The following KIRREL3 variants were observed in gnomAD, a reference collection of about 807,000 sequenced individuals.
KIRREL3 encodes kirre like nephrin family adhesion molecule 3.
KIRREL3 carries 36 observed loss-of-function variants against 89.7 expected under a neutral mutation model. The observed-to-expected ratio is 0.40, with a 90% CI of 0.31 to 0.53. The LOEUF is 0.53. Among genes scored for constraint, KIRREL3 ranks in the 20% least tolerant of loss-of-function variants. The pLI, the probability that KIRREL3 is intolerant of heterozygous loss-of-function variation, is 0.49. For synonymous variants in KIRREL3, 445 were observed against 441.4 expected, an observed-to-expected ratio of 1.01 and a Z score of -0.10; for missense variants, 864 against 1,056.6, an observed-to-expected ratio of 0.82 and a Z score of 2.53.
At chr11:126,625,353 C>G (rs1040390867) in intron 1 of KIRREL3, among the ~76,000 whole-genome samples, 2 of 152,132 alleles carry the variant, frequency 1.3e-5, no homozygotes, top group Non-Finnish European at 2.9e-5. Flanking sequence ...CTGAAACAAG[C>G]GACATTTTCT....
intron 1 of KIRREL3, among the ~76,000 whole-genome samples, chr11:126,738,933 G>A (rs73573440): frequency 0.16 from 23,694 of 152,220 alleles, 1,934 homozygotes; most frequent in Non-Finnish European, 0.17. Flanking sequence ...AAGCATCTTC[G>A]GTGATCAAAC....
At chr11:126,481,433 C>G (rs944576768) in intron 4 of KIRREL3, among the ~76,000 whole-genome samples, 2 of 152,236 alleles carry the variant, frequency 1.3e-5, no homozygotes, top group African/African-American at 4.8e-5. Flanking sequence ...GGCCAGACCT[C>G]TCTCTTGAGC....
At chr11:126,939,189 T>C (rs1948332812) in intron 1 of KIRREL3, among the ~76,000 whole-genome samples, 1 of 152,122 alleles carries the variant, frequency 6.6e-6, no homozygotes, top group Non-Finnish European at 1.5e-5. Context: ...TTCAGAGAAA[T>C]TTGTAGATGT....
chr11:126,918,987 T>C lies in KIRREL3; in HGVS notation c.55+81468A>G, dbSNP rs184488541. On this transcript the variant is annotated intron_variant, in intron 1 of 16. Coordinates refer to ENST00000525144, the MANE Select transcript of KIRREL3 (RefSeq NM_032531.4). This position sits in a 1 kb window ranked among gnomAD's most constrained non-coding sequence, Gnocchi z 6.5. ...ATATGTATTGTTACATCATATTATATTATTATTTGTATTATATATATGTAT... is the reference window on the plus strand; with the variant it reads ...ATATGTATTGTTACATCATATTATACTATTATTTGTATTATATATATGTAT... 8.0e-4 allele frequency among the ~76,000 whole-genome samples: 119 copies of C among 149,548 alleles called. No homozygotes were observed. The highest frequency in any genetic ancestry group is 2.7e-3 in the African/African-American group (111 of 41,066).
chr11:126,927,587 T>C (rs189552631), intron 1 of KIRREL3, among the ~76,000 whole-genome samples: 4 of 152,348 alleles, frequency 2.6e-5, no homozygotes, highest in Admixed American at 2.6e-4. Context: ...ATGCGGACAT[T>C]ATGGAAAACT....
intron 1 of KIRREL3, among the ~76,000 whole-genome samples, chr11:126,967,026 C>A (rs1949292959): frequency 6.6e-6 from 1 of 152,150 alleles, no homozygotes; most frequent in Non-Finnish European, 1.5e-5. Flanking sequence ...ATCCATCTAC[C>A]TGCCTTCTCT....
rs56276959 is a variant in KIRREL3 at position 126,472,703 on chromosome 11, GGA to G, written c.591+604_591+605del. Among the ~76,000 whole-genome samples, 202 of 134,116 alleles carry G rather than the reference GGA, an allele frequency of 1.5e-3. 1 individual carries two copies. The South Asian group carries it at 0.021, about 14-fold the overall frequency. 88.0% of individuals were successfully genotyped at this position (134,116 alleles called of 152,430 possible). A position where few individuals can be genotyped will look rare whatever the true frequency, so the allele number is the denominator to read the frequency against. ...CCCAGCAGTTACCCTAGGACATAGA[GGA>G]GAGAGAGAGAGAGAGAGAGAGAGAG... On this transcript the variant is annotated intron_variant, in intron 5 of 16. Transcript: ENST00000525144.
At chr11:126,638,017 CAG>C (rs1268790870) in intron 1 of KIRREL3, among the ~76,000 whole-genome samples, 1 of 152,210 alleles carries the variant, frequency 6.6e-6, no homozygotes, top group Admixed American at 6.5e-5. Flanking sequence ...TTTAGCTTTG[CAG>C]AGTTTGCTTT....
At position 126,569,043 on chromosome 11, in the gene KIRREL3, A is replaced by G. The variant is rs1473849529; in HGVS notation, c.56-6131T>C. ...ACCAGAGAGCTTGGGAATGGAGAGG[A>G]AATGATGAATCAGAGACATTCCAAG... On this transcript the variant is annotated intron_variant, in intron 1 of 16. Coordinates refer to ENST00000525144, the MANE Select transcript of KIRREL3 (RefSeq NM_032531.4). This position sits in a 1 kb window ranked among gnomAD's most constrained non-coding sequence, Gnocchi z 6.5. Among the ~76,000 whole-genome samples, 2 of 152,052 alleles carry G rather than the reference A, an allele frequency of 1.3e-5. No homozygotes were observed. The highest frequency in any genetic ancestry group is 4.8e-5 in the African/African-American group (2 of 41,374).
chr11:126,613,494 C>T (rs937118457), intron 1 of KIRREL3, among the ~76,000 whole-genome samples: 12 of 152,118 alleles, frequency 7.9e-5, no homozygotes, highest in African/African-American at 2.4e-4. Context: ...TGTGCAATTA[C>T]CTCCCCCTGC....
At position 126,772,853 on chromosome 11, in the gene KIRREL3, C is replaced by G. The variant is rs1273404654; in HGVS notation, c.56-209941G>C. 1.3e-5 allele frequency among the ~76,000 whole-genome samples: 2 copies of G among 152,190 alleles called. No homozygotes were observed. The highest frequency in any genetic ancestry group is 2.9e-5 in the Non-Finnish European group (2 of 68,034). On this transcript the variant is annotated intron_variant, in intron 1 of 16. Transcript: ENST00000525144. This position sits in a 1 kb window ranked among gnomAD's most constrained non-coding sequence, Gnocchi z 4.6. Reference sequence around the variant, plus strand: ...AATGCCAGCACCATACCTACTGCATCTGGATCTTCATAATTTGGCCAGAAA... The same window carrying G: ...AATGCCAGCACCATACCTACTGCATGTGGATCTTCATAATTTGGCCAGAAA...
intron 1 of KIRREL3, among the ~76,000 whole-genome samples, chr11:126,809,426 A>G (rs1226944596): frequency 1.3e-5 from 2 of 152,228 alleles, no homozygotes; most frequent in African/African-American, 2.4e-5. Flanking sequence ...GTGCCCCCCA[A>G]GGATATTAGA....
At position 126,666,710 on chromosome 11, in the gene KIRREL3, T is replaced by A. The variant is rs1945680867; in HGVS notation, c.56-103798A>T. 6.6e-6 allele frequency among the ~76,000 whole-genome samples: 1 copy of A among 152,176 alleles called. No homozygotes were observed. Among genetic ancestry groups the A allele is most frequent in the African/African-American group, 2.4e-5 (1 of 41,420 alleles). On this transcript the variant is annotated intron_variant, in intron 1 of 16. Transcript: ENST00000525144. The surrounding 1 kb of genome is among the most constrained non-coding windows in gnomAD (Gnocchi z 4.2). ...AACAGAGCTCTCTTTTTCTCTCTGGTGAGGTTTTTGCTTTTCCCATTTTTA... is the reference window on the plus strand; with the variant it reads ...AACAGAGCTCTCTTTTTCTCTCTGGAGAGGTTTTTGCTTTTCCCATTTTTA...
rs1687119093 is a variant in KIRREL3, at chr11:126,802,215, A to T, written c.55+198240T>A. ...TTCTTCCTTTCTTTGCCTTGGCCCT[A>T]CCTCACCTGGAGAAGTTAACCAAAG... On this transcript the variant is annotated intron_variant, in intron 1 of 16. Transcript: ENST00000525144. The surrounding 1 kb of genome is among the most constrained non-coding windows in gnomAD (Gnocchi z 5.2). 6.6e-6 allele frequency among the ~76,000 whole-genome samples: 1 copy of T among 151,888 alleles called. No individual in the cohort carries two copies. The highest frequency in any genetic ancestry group is 1.5e-5 in the Non-Finnish European group (1 of 67,984).
intron 1 of KIRREL3, among the ~76,000 whole-genome samples, chr11:126,619,108 T>G (rs951764712): frequency 5.3e-5 from 8 of 152,194 alleles, no homozygotes; most frequent in Non-Finnish European, 8.8e-5. Context: ...GTCTAGAGGG[T>G]GTCTGGCCAT....
At chr11:126,707,230 G>A (rs1234297788) in intron 1 of KIRREL3, among the ~76,000 whole-genome samples, 1 of 142,168 alleles carries the variant, frequency 7.0e-6, no homozygotes, top group African/African-American at 2.6e-5. Flanking sequence ...GCAGACATAA[G>A]ACACCTTGTC....
chr11:126,478,151 G>C (rs1957117377), intron 4 of KIRREL3, among the ~76,000 whole-genome samples: 1 of 152,184 alleles, frequency 6.6e-6, no homozygotes, highest in Non-Finnish European at 1.5e-5. Context: ...TCCTTCCGGG[G>C]CCGGGCTTGC....
At chr11:126,785,859 C>A in intron 1 of KIRREL3, among the ~76,000 whole-genome samples, 1 of 111,088 alleles carries the variant, frequency 9.0e-6, no homozygotes, top group East Asian at 3.0e-4. Context: ...GGTGACACAG[C>A]GAGACTCCGT....
chr11:126,618,451 A>G (rs1488087980), intron 1 of KIRREL3, among the ~76,000 whole-genome samples: 2 of 152,212 alleles, frequency 1.3e-5, no homozygotes, highest in East Asian at 3.9e-4. Context: ...GTTTTTAGAC[A>G]GAGTCTCATT....
Sources: gnomAD v4.1 joint callset for allele counts (sites outside exome capture counted in the v4.1 genomes callset) on GRCh38, gnomAD v4.1.1 for gene constraint, Gnocchi (gnomAD v3.1) non-coding constraint, MANE v1.5 for transcripts, NCBI Gene and HGNC (gene_info 2026-07-23, HGNC 2026-07-21) for gene names.